C1QTNF1: variants seen among roughly 807,000 people sequenced by gnomAD.
C1QTNF1 encodes the protein complement C1q tumor necrosis factor-related protein 1.
C1QTNF1 carries 22 observed loss-of-function variants against 27.8 expected under a neutral mutation model. The observed-to-expected ratio is 0.79, with a 90% confidence interval of 0.56 to 1.13. C1QTNF1 has a LOEUF of 1.13. C1QTNF1 is among the 50% of genes most tolerant of loss of function. The pLI is 0.00. For missense variants in C1QTNF1, 373 were observed against 380.2 expected, an observed-to-expected ratio of 0.98 and a Z score of 0.16; for synonymous variants, 166 against 154.3, an observed-to-expected ratio of 1.08 and a Z score of -0.56.
At chr17:79,026,591 C>G (rs1047020103) in intron 1 of C1QTNF1, among the ~76,000 whole-genome samples, 3 of 152,216 alleles carry the variant, frequency 2.0e-5, no homozygotes, top group African/African-American at 7.2e-5. Flanking sequence ...GGTCCGCTAC[C>G]CAGGGACTCT....
At chr17:79,028,624 AG>A (rs1294711967) in intron 1 of C1QTNF1, among the ~76,000 whole-genome samples, 1 of 152,222 alleles carries the variant, frequency 6.6e-6, no homozygotes, top group East Asian at 1.9e-4. Context: ...GATATCAATG[AG>A]GGCAAGGCCC....
chr17:79,040,521 G>A (rs959054409), intron 1 of C1QTNF1, among the ~76,000 whole-genome samples: 1 of 152,040 alleles, frequency 6.6e-6, no homozygotes, highest in African/African-American at 2.4e-5. Flanking sequence ...CTTGAGTTGG[G>A]TGTTGAAGAC....
rs1365118974 is a variant in C1QTNF1, at chr17:79,048,277, T to G, written c.*189T>G. The G allele has an allele frequency of 4.7e-6, 3 of 640,582 alleles. No individual in the cohort carries two copies. The highest frequency in any genetic ancestry group is 3.7e-5 in the African/African-American group (2 of 54,676). 39.7% of individuals were successfully genotyped at this position (640,582 alleles called of 1,614,324 possible). The stretch of plus-strand genomic sequence containing the variant: ...GCCTCTGGAGAGAGCTGACGGCAGA[T>G]GAAATCACCAGGGCGGGGCACCCGC... On this transcript the variant is annotated 3_prime_UTR_variant, in exon 4 of 4. Transcript: ENST00000579760.
intron 1 of C1QTNF1, chr17:79,025,159 G>A (rs2071904193): frequency 6.6e-6 from 1 of 152,396 alleles, no homozygotes; most frequent in Admixed American, 6.5e-5. Flanking sequence ...TGGGGCTGGA[G>A]CCTCTGAGCC....
chr17:79,044,449 A>G (rs192786499), intron 2 of C1QTNF1, among the ~76,000 whole-genome samples: 2 of 151,978 alleles, frequency 1.3e-5, no homozygotes, highest in Admixed American at 1.3e-4. Context: ...TTCCATTCTC[A>G]CTTTGTCCGC....
chr17:79,049,231 G>C lies in C1QTNF1; in HGVS notation c.*1143G>C, dbSNP rs1347236273. 6.6e-6 allele frequency: 1 copy of C among 152,382 alleles called. No homozygotes were observed. The highest frequency in any genetic ancestry group is 1.5e-5 in the Non-Finnish European group (1 of 68,194). 9.4% of individuals were successfully genotyped at this position (152,382 alleles called of 1,614,324 possible). A position where few individuals can be genotyped will look rare whatever the true frequency, so the allele number is the denominator to read the frequency against. On this transcript the variant is annotated 3_prime_UTR_variant, in exon 4 of 4. Transcript: ENST00000579760. The surrounding 1 kb of genome is among the most constrained non-coding windows in gnomAD (Gnocchi z 4.4). ...TTTCTAGGCTTCAGAGCAGGGGAGA[G>C]CTGGAAGGGGCTAGAAAGCTCCCGC...
At chr17:79,035,405 C>G (rs1391234548) in intron 1 of C1QTNF1, among the ~76,000 whole-genome samples, 2 of 149,802 alleles carry the variant, frequency 1.3e-5, no homozygotes, top group African/African-American at 4.9e-5. Flanking sequence ...GTGTAGAAAC[C>G]AGGAGTGTTT....
At position 79,024,490 on chromosome 17, in the gene C1QTNF1, CGGAGGTAGGTGGCCG is replaced by C. The variant is rs1467119866; in HGVS notation, c.-16_-15+13del. 2.0e-5 allele frequency: 3 copies of C among 152,450 alleles called. No homozygotes were observed. The highest frequency in any genetic ancestry group is 4.4e-5 in the Non-Finnish European group (3 of 68,276). The allele number at this position is 152,450 out of a possible 1,614,324, so 9.4% of individuals were successfully genotyped here. On this transcript the variant is annotated splice_donor_variant and splice_donor_5th_base_variant and 5_prime_UTR_variant and intron_variant, in exon 1 of 4. Transcript: ENST00000579760. LOFTEE classifies it low-confidence loss of function (5UTR_SPLICE). ...GGCGCGGGAGGAGCGGCCGGCGGGA[CGGAGGTAGGTGGCCG>C]GGCCGGGGGACCCAGCGCTGCCCCG... is the stretch of plus-strand genomic sequence containing the variant.
chr17:79,039,813 G>A (rs1448679560), intron 1 of C1QTNF1, among the ~76,000 whole-genome samples: 2 of 150,054 alleles, frequency 1.3e-5, no homozygotes, highest in African/African-American at 5.0e-5. Flanking sequence ...ATATATATAT[G>A]TAAATATGTA....
At chr17:79,032,804 C>T (rs2072170481) in intron 1 of C1QTNF1, among the ~76,000 whole-genome samples, 1 of 152,160 alleles carries the variant, frequency 6.6e-6, no homozygotes, top group Non-Finnish European at 1.5e-5. Flanking sequence ...CGGTGGCTCA[C>T]ACCTGTAATC....
rs1185557792 is a variant in C1QTNF1 at position 79,027,936 on chromosome 17, T to C, written c.-15+3442T>C. On this transcript the variant is annotated intron_variant, in intron 1 of 3. Transcript: ENST00000579760. ...ACTGTACACCAGGGCACTGCTATCT[T>C]GCCTCTGAGGCCCCCTGGATCTAAG... Among the ~76,000 whole-genome samples, 5 of 152,328 alleles carry C rather than the reference T, an allele frequency of 3.3e-5. No individual in the cohort carries two copies. In the East Asian group the frequency reaches 5.8e-4, roughly 18 times the overall value.
chr17:79,049,111 C>T lies in C1QTNF1; in HGVS notation c.*1023C>T, dbSNP rs1313400104. Reference sequence around the variant, plus strand: ...CGTGGGCTAAGCATCACCGCTTCCACGTGTGTTGTGTTGGTTGGCAGCAAG... The same window carrying T: ...CGTGGGCTAAGCATCACCGCTTCCATGTGTGTTGTGTTGGTTGGCAGCAAG... On this transcript the variant is annotated 3_prime_UTR_variant, in exon 4 of 4. Transcript: ENST00000579760. This position sits in a 1 kb window ranked among gnomAD's most constrained non-coding sequence, Gnocchi z 4.4. 1 of 152,364 alleles carries T rather than the reference C, an allele frequency of 6.6e-6. No homozygotes were observed. The highest frequency in any genetic ancestry group is 6.5e-5 in the Admixed American group (1 of 15,286). 9.4% of individuals were successfully genotyped at this position (152,364 alleles called of 1,614,324 possible). A position where few individuals can be genotyped will look rare whatever the true frequency, so the allele number is the denominator to read the frequency against.
intron 1 of C1QTNF1, among the ~76,000 whole-genome samples, chr17:79,036,234 G>C (rs1187574517): frequency 6.6e-6 from 1 of 152,234 alleles, no homozygotes; most frequent in African/African-American, 2.4e-5. Flanking sequence ...GGGCGCAGTG[G>C]TGCAGTCGTG....
chr17:79,038,364 C>T, intron 1 of C1QTNF1, among the ~76,000 whole-genome samples: 1 of 152,148 alleles, frequency 6.6e-6, no homozygotes, highest in Non-Finnish European at 1.5e-5. Context: ...AGCCTGGTTT[C>T]TCTTTTCTGG....
In C1QTNF1 at chr17:79,047,681, G is replaced by C. The variant is rs1340968502; in HGVS notation, c.439G>C (p.Ala147Pro). Residue 147 changes from alanine (A) to proline (P), a missense_variant, in exon 4 of 4, where the codon GCC (alanine) becomes CCC (proline). Transcript: ENST00000579760. ...PGERCKSHYA[A>P]FSVGRKKPMH... ...GGAGCGGTGCAAGAGCCACTACGCC[G>C]CCTTTTCGGTGGGCCGGAAGAAGCC... 3.1e-6 allele frequency: 5 copies of C among 1,613,896 alleles called. No individual in the cohort carries two copies. The highest frequency in any genetic ancestry group is 1.3e-5 in the African/African-American group (1 of 74,918).
chr17:79,048,447 C>T lies in C1QTNF1; in HGVS notation c.*359C>T, dbSNP rs2072663298. On this transcript the variant is annotated 3_prime_UTR_variant, in exon 4 of 4. Coordinates refer to ENST00000579760, the MANE Select transcript of C1QTNF1 (RefSeq NM_030968.5). ...AAATAATTAGGCAAATTCTAAAGGT[C>T]TCAAAAGGAGCAAAGTAAACCGTGG... 4.6e-6 allele frequency: 1 copy of T among 216,460 alleles called. No homozygotes were observed. Among genetic ancestry groups the T allele is most frequent in the Admixed American group, 5.3e-5 (1 of 18,804 alleles). The allele number at this position is 216,460 out of a possible 1,614,324, so 13.4% of individuals were successfully genotyped here.
At chr17:79,039,613 A>G (rs1202921871) in intron 1 of C1QTNF1, among the ~76,000 whole-genome samples, 3 of 151,922 alleles carry the variant, frequency 2.0e-5, no homozygotes, top group Admixed American at 2.0e-4. Flanking sequence ...AGATCGCGCC[A>G]CTTCACTCCA....
Position 79,047,737 on chromosome 17 carries a change from G to A in C1QTNF1, c.495G>A (p.Val165=). 2 of 1,614,170 alleles carry A rather than the reference G, an allele frequency of 1.2e-6. No homozygotes were observed. The highest frequency in any genetic ancestry group is 1.7e-6 in the Non-Finnish European group (2 of 1,180,030). ...PMHSNHYYQT[V]IFDTEFVNLY... ...ACAGCAACCACTACTACCAGACGGT[G>A]ATCTTCGACACGGAGTTCGTGAACC... The change falls in exon 4 of 4, where the codon GTG becomes GTA. Residue 165 remains valine, a synonymous_variant. Transcript: ENST00000579760.
At chr17:79,040,431 CA>C (rs1216677163) in intron 1 of C1QTNF1, among the ~76,000 whole-genome samples, 3 of 151,822 alleles carry the variant, frequency 2.0e-5, no homozygotes, top group Non-Finnish European at 2.9e-5. Flanking sequence ...GACCCTGTAT[CA>C]AAAAAGAAAA....
Sources: allele counts gnomAD v4.1 joint callset (sites outside exome capture counted in the v4.1 genomes callset), GRCh38; gene constraint gnomAD v4.1.1; non-coding constraint Gnocchi (gnomAD v3.1); transcripts MANE v1.5; gene names NCBI Gene and HGNC (gene_info 2026-07-23, HGNC 2026-07-21).